The following KATNIP variants were observed in gnomAD, a reference collection of about 807,000 sequenced individuals.
The protein encoded by KATNIP is katanin-interacting protein.
Under a neutral mutation model 174.0 loss-of-function variants are expected in KATNIP, and 126 were observed. The observed-to-expected ratio is 0.72, with a 90% confidence interval of 0.63 to 0.84. The LOEUF is 0.84. KATNIP is among the 40% of genes least tolerant of loss of function. KATNIP has a pLI of 0.00. For synonymous variants in KATNIP, 810 were observed against 835.7 expected, an observed-to-expected ratio of 0.97 and a Z score of 0.53; for missense variants, 1,958 against 2,109.7, an observed-to-expected ratio of 0.93 and a Z score of 1.41.
chr16:27,725,263 G>T (rs2080398934), intron 14 of KATNIP, among the ~76,000 whole-genome samples: 1 of 152,232 alleles, frequency 6.6e-6, no homozygotes, highest in African/African-American at 2.4e-5. Context: ...TATGAGGCAG[G>T]TGGTGGTATT....
chr16:27,592,625 C>T (rs2075212731), intron 2 of KATNIP, among the ~76,000 whole-genome samples: 1 of 152,206 alleles, frequency 6.6e-6, no homozygotes, highest in South Asian at 2.1e-4. Context: ...CTCAAACACA[C>T]ACACACACAC....
At chr16:27,594,644 G>A (rs1260242753) in intron 2 of KATNIP, among the ~76,000 whole-genome samples, 3 of 151,978 alleles carry the variant, frequency 2.0e-5, no homozygotes, top group Non-Finnish European at 4.4e-5. Flanking sequence ...GTAGAGACAG[G>A]GTCTTACTGT....
At chr16:27,577,560 C>T (rs1477232827) in intron 2 of KATNIP, among the ~76,000 whole-genome samples, 3 of 152,048 alleles carry the variant, frequency 2.0e-5, no homozygotes, top group East Asian at 1.9e-4. Flanking sequence ...GACGTGGTGG[C>T]AGGTGCCTGT....
intron 13 of KATNIP, among the ~76,000 whole-genome samples, chr16:27,718,997 G>A (rs948799235): frequency 5.0e-4 from 76 of 152,166 alleles, no homozygotes; most frequent in Admixed American, 3.5e-3. Flanking sequence ...TAGCAGGCAC[G>A]TTCCTGGTGA....
At chr16:27,729,119 C>A (rs1191807643) in intron 14 of KATNIP, among the ~76,000 whole-genome samples, 2 of 152,198 alleles carry the variant, frequency 1.3e-5, no homozygotes, top group Non-Finnish European at 2.9e-5. Context: ...GTTAATCACA[C>A]AATAGAAGTC....
At chr16:27,597,902 T>C (rs111736323) in intron 2 of KATNIP, among the ~76,000 whole-genome samples, 3 of 152,086 alleles carry the variant, frequency 2.0e-5, no homozygotes, top group South Asian at 2.1e-4. Flanking sequence ...CAAGAAATCA[T>C]GGACTTTGTG....
At chr16:27,636,192 T>TA (rs1362828790) in intron 5 of KATNIP, among the ~76,000 whole-genome samples, 1 of 151,982 alleles carries the variant, frequency 6.6e-6, no homozygotes. Context: ...CTGGAAAAAA[T>TA]GGAAAAGTCT....
At chr16:27,675,170 T>TG (rs1034993087) in intron 6 of KATNIP, among the ~76,000 whole-genome samples, 4 of 152,168 alleles carry the variant, frequency 2.6e-5, no homozygotes, top group Non-Finnish European at 5.9e-5. Context: ...TCCACGTAGT[T>TG]GGGGAGGCCT....
chr16:27,643,074 T>A (rs145384390), intron 5 of KATNIP: 1 of 152,358 alleles, frequency 6.6e-6, no homozygotes, highest in Non-Finnish European at 1.5e-5. Flanking sequence ...TCTTTAGTCA[T>A]TGCCTGTGGC....
intron 2 of KATNIP, among the ~76,000 whole-genome samples, chr16:27,604,280 A>G (rs1596884537): frequency 6.6e-6 from 1 of 152,084 alleles, no homozygotes; most frequent in Admixed American, 6.6e-5. Flanking sequence ...AAAAATTTTT[A>G]GTAGAGATAG....
At position 27,693,487 on chromosome 16, in the gene KATNIP, C is replaced by T. The variant is rs534623942; in HGVS notation, c.941-4841C>T. Among the ~76,000 whole-genome samples, 69 of 152,270 alleles carry T rather than the reference C, an allele frequency of 4.5e-4. 1 individual carries two copies. In the South Asian group the frequency reaches 0.014, roughly 30 times the overall value. ...TACTGCAACTTCTGCCTCCCGGGTT[C>T]AAGCGATTCTCCTGCCTCAGCCTCC... is the stretch of plus-strand genomic sequence containing the variant. On this transcript the variant is annotated intron_variant, in intron 8 of 27. Transcript: ENST00000261588.
chr16:27,738,939 G>A (rs2080999935), intron 14 of KATNIP, among the ~76,000 whole-genome samples: 1 of 152,056 alleles, frequency 6.6e-6, no homozygotes, highest in Non-Finnish European at 1.5e-5. Context: ...GTGGATAAAT[G>A]TCCCAGTCTT....
intron 2 of KATNIP, among the ~76,000 whole-genome samples, chr16:27,594,117 G>A (rs906883898): frequency 8.6e-5 from 13 of 151,810 alleles, no homozygotes; most frequent in Admixed American, 2.0e-4. Flanking sequence ...AAAATTAACC[G>A]GGCGTGGTGG....
At position 27,769,916 on chromosome 16, in the gene KATNIP, T is replaced by G. The variant is rs774051584; in HGVS notation, c.4031T>G (p.Phe1344Cys). Reference protein sequence around the residue: ...DGLCVSPPEGFLIRKGPGNCH... With the variant: ...DGLCVSPPEGCLIRKGPGNCH... ...CTGTGCGTCTCCCCGCCAGAGGGCT[T>G]TCTCATCCGGAAGGGGCCAGGCAAC... Residue 1344 changes from phenylalanine (F) to cysteine (C), a missense_variant, in exon 21 of 28, where the codon TTT (phenylalanine) becomes TGT (cysteine). Phe to Cys is a radical substitution (Grantham distance 205). Around this residue, in one of 3 missense-constraint regions of KATNIP, gnomAD observed 383 missense variants for 456.0 expected, o/e 0.84. Coordinates refer to ENST00000261588, the MANE Select transcript of KATNIP (RefSeq NM_015202.5). 1.2e-6 allele frequency: 2 copies of G among 1,614,224 alleles called. No homozygotes were observed.
rs550990809 is a variant in KATNIP, at chr16:27,721,813, G to A, written c.1743+118G>A. On this transcript the variant is annotated intron_variant, in intron 14 of 27. Transcript: ENST00000261588. ...GATACACGGAAGCCCTGCTGGCCTC[G>A]TGTGTGCAGCAAGAGCCTGCTGGTA... 6.2e-5 allele frequency: 70 copies of A among 1,133,434 alleles called. No individual in the cohort carries two copies. The Admixed American group carries it at 1.3e-3, about 21-fold the overall frequency. The allele number at this position is 1,133,434 out of a possible 1,614,324, so 70.2% of individuals were successfully genotyped here.
chr16:27,733,654 A>G (rs1268785660), intron 14 of KATNIP, among the ~76,000 whole-genome samples: 1 of 152,004 alleles, frequency 6.6e-6, no homozygotes, highest in Non-Finnish European at 1.5e-5. Context: ...GACATTCGGC[A>G]GGAAGGAATT....
At position 27,713,818 on chromosome 16, in the gene KATNIP, A is replaced by ATGTGTGTGTATATG. The variant is rs1567336904; in HGVS notation, c.1605+4899_1605+4900insGTGTGTGTATATGT. 3.6e-3 allele frequency among the ~76,000 whole-genome samples: 124 copies of ATGTGTGTGTATATG among 34,568 alleles called. 4 individuals are homozygous for ATGTGTGTGTATATG. Among genetic ancestry groups the ATGTGTGTGTATATG allele is most frequent in the Non-Finnish European group, 4.5e-3 (89 of 19,904 alleles). The allele number at this position is 34,568 out of a possible 152,430, so 22.7% of individuals were successfully genotyped here. On this transcript the variant is annotated intron_variant, in intron 13 of 27. Transcript: ENST00000261588. The stretch of plus-strand genomic sequence containing the variant: ...TGTGTGTGTGTATATACATATATAT[A>ATGTGTGTGTATATG]TATATATATATATATATATATATAT...
intron 6 of KATNIP, among the ~76,000 whole-genome samples, chr16:27,674,005 T>G (rs563257269): frequency 1.4e-4 from 22 of 152,162 alleles, no homozygotes; most frequent in African/African-American, 5.1e-4. Flanking sequence ...TATCTGGGTA[T>G]CTGGGTGTGG....
chr16:27,724,286 C>T (rs986057000), intron 14 of KATNIP, among the ~76,000 whole-genome samples: 2 of 152,196 alleles, frequency 1.3e-5, no homozygotes, highest in Non-Finnish European at 2.9e-5. Flanking sequence ...TCGTCACCCT[C>T]TTCTGGAATG....
Sources: gnomAD v4.1 joint callset for allele counts (sites outside exome capture counted in the v4.1 genomes callset) on GRCh38, gnomAD v4.1.1 for gene constraint, gnomAD v4.1.1 regional missense constraint, MANE v1.5 for transcripts, NCBI Gene and HGNC (gene_info 2026-07-23, HGNC 2026-07-21) for gene names.